The following MCRS1 variants were observed in gnomAD, a reference collection of about 807,000 sequenced individuals.
The protein encoded by MCRS1 is microspherule protein 1, also known as 58 kDa microspherule protein.
A neutral mutation model predicts 62.9 loss-of-function variants in MCRS1; 22 were observed. The ratio of observed to expected loss-of-function variants is 0.35; its 90% CI spans 0.25 to 0.50. MCRS1 has a LOEUF of 0.50. Ranked by LOEUF, MCRS1 falls within the 20% of genes least tolerant of loss-of-function variation. The pLI, the probability that MCRS1 is intolerant of heterozygous loss-of-function variation, is 0.98. For missense variants in MCRS1, 456 were observed against 601.1 expected (o/e 0.76, Z 2.52); for synonymous variants, 244 against 233.5 (o/e 1.04, Z -0.41).
At chr12:49,562,888 G>A in intron 8 of MCRS1, 113 bp downstream of exon 8, 5 of 1,341,958 alleles carry the variant, frequency 3.7e-6, no homozygotes, top group Middle Eastern at 2.7e-4. Context: ...AGACACTGGG[G>A]ATCACTGAGG....
Position 49,560,325 on chromosome 12 carries a change from G to C in MCRS1, c.851C>G (p.Ala284Gly), listed in dbSNP as rs1938699555. The change falls in exon 9 of 15, where the codon GCA becomes GGA. Residue 284 changes from alanine to glycine, a missense_variant. Ala to Gly is a moderately conservative substitution (Grantham distance 60). Coordinates refer to ENST00000343810, the MANE Select transcript of MCRS1 (RefSeq NM_006337.5). ...CTTACTGTCATCAATCAGGTCCTCT[G>C]CATCAGAGAAGTTCAGCACTTGGTC... ...KGDQVLNFSD[A>G]EDLIDDSKLK... 3.7e-6 allele frequency: 6 copies of C among 1,614,130 alleles called. No homozygotes were observed. The highest frequency in any genetic ancestry group is 1.3e-5 in the African/African-American group (1 of 74,950).
In MCRS1 at chr12:49,559,233, C is replaced by G. The variant is rs1938621243; in HGVS notation, c.1155G>C (p.Trp385Cys). 1.2e-6 allele frequency: 2 copies of G among 1,613,924 alleles called. No homozygotes were observed. The highest frequency in any genetic ancestry group is 4.5e-5 in the East Asian group (2 of 44,858). ...GGATACCTTGTTTCCGGGATATCTT[C>G]CAGGCCGGACCCTCCAGAGACAGGT... is the stretch of plus-strand genomic sequence containing the variant. ...DVDLSLEGPA[W>C]KISRKQGVIK... Residue 385 changes from tryptophan (W) to cysteine (C), a missense_variant, in exon 13 of 15, where the codon TGG becomes TGC. Coordinates refer to ENST00000343810, the MANE Select transcript of MCRS1 (RefSeq NM_006337.5). This position sits in a 1 kb window ranked among gnomAD's most constrained non-coding sequence, Gnocchi z 5.2.
Position 49,559,695 on chromosome 12 carries a change from A to T in MCRS1, c.1003+34T>A. 2 of 1,611,922 alleles carry T rather than the reference A, an allele frequency of 1.2e-6. No individual in the cohort carries two copies. The highest frequency in any genetic ancestry group is 1.7e-6 in the Non-Finnish European group (2 of 1,178,360). On this transcript the variant is annotated intron_variant, in intron 11 of 14. Transcript: ENST00000343810. This position sits in a 1 kb window ranked among gnomAD's most constrained non-coding sequence, Gnocchi z 5.2. ...GCACAGGCTGGGGCGAAGGATGCTG[A>T]AGAGTGAGCCTTCTGGTGCCCAGGC...
intron 1 of MCRS1, among the ~76,000 whole-genome samples, chr12:49,567,268 T>C (rs1050091113): frequency 6.6e-6 from 1 of 151,890 alleles, no homozygotes; most frequent in African/African-American, 2.4e-5. Context: ...GAGACAAAAC[T>C]CCAACCAGTC....
Position 49,564,582 on chromosome 12 carries a change from G to T in MCRS1, c.456C>A (p.Asp152Glu). ...LLINAVLQTNDLTSVHLGVKF... is the reference protein window; with the variant it reads ...LLINAVLQTNELTSVHLGVKF... Reference sequence around the variant, plus strand: ...TCACGCCCAGGTGGACGGAGGTCAGGTCGTTGGTCTGCAAGGCCCCAGAAG... The same window carrying T: ...TCACGCCCAGGTGGACGGAGGTCAGTTCGTTGGTCTGCAAGGCCCCAGAAG... The change falls in exon 6 of 15, where the codon GAC becomes GAA. Residue 152 changes from aspartate (D) to glutamate (E), a missense_variant. Coordinates refer to ENST00000343810, the MANE Select transcript of MCRS1 (RefSeq NM_006337.5). The T allele has an allele frequency of 6.2e-7, 1 of 1,609,926 alleles. No homozygotes were observed. The highest frequency in any genetic ancestry group is 8.5e-7 in the Non-Finnish European group (1 of 1,178,114).
At position 49,564,843 on chromosome 12, in the gene MCRS1, C is replaced by A. The variant is rs1159458580; in HGVS notation, c.341G>T (p.Gly114Val). Reference sequence around the variant, plus strand: ...ACTCTTCTTCACACGCTTGGTGAGTCCAGGGGCTGGGGCTGGGCTGGGTGG... The same window carrying A: ...ACTCTTCTTCACACGCTTGGTGAGTACAGGGGCTGGGGCTGGGCTGGGTGG... ...PVPPSPAPAP[G>V]LTKRVKKSKQ... is the part of the protein sequence containing the mutation. The change falls in exon 5 of 15, where the codon GGA becomes GTA. Residue 114 changes from glycine to valine, a missense_variant. Physicochemically the swap from Gly to Val is moderately radical, Grantham distance 109. Coordinates refer to ENST00000343810, the MANE Select transcript of MCRS1 (RefSeq NM_006337.5). 6.2e-7 allele frequency: 1 copy of A among 1,613,832 alleles called. No individual in the cohort carries two copies. The highest frequency in any genetic ancestry group is 8.5e-7 in the Non-Finnish European group (1 of 1,179,802).
Position 49,566,176 on chromosome 12 carries a change from C to T in MCRS1, c.50G>A (p.Gly17Asp), listed in dbSNP as rs1297589748. Reference sequence around the variant, plus strand: ...CTCATCCTCTGAGCGGCTGGCAGTGCCTGATGCCATCAGGGATGAATCTAG... The same window carrying T: ...CTCATCCTCTGAGCGGCTGGCAGTGTCTGATGCCATCAGGGATGAATCTAG... ...GLLDSSLMASGTASRSEDEES... is the reference protein window; with the variant it reads ...GLLDSSLMASDTASRSEDEES... Residue 17 changes from glycine (G) to aspartate (D), a missense_variant, in exon 3 of 15, where the codon GGC (glycine) becomes GAC (aspartate). By Grantham distance (94) the Gly-to-Asp change is moderately conservative. This residue lies in a region of MCRS1 where 55 missense variants were observed against 49.3 expected (regional missense o/e 1.12). Transcript: ENST00000343810. 1 of 1,614,150 alleles carries T rather than the reference C, an allele frequency of 6.2e-7. No individual in the cohort carries two copies. Among genetic ancestry groups the T allele is most frequent in the Non-Finnish European group, 8.5e-7 (1 of 1,180,016 alleles).
chr12:49,562,219 T>C (rs929224067), intron 8 of MCRS1, among the ~76,000 whole-genome samples: 1 of 152,166 alleles, frequency 6.6e-6, no homozygotes, highest in African/African-American at 2.4e-5. Context: ...AAGCTTCATG[T>C]TTGAACTGTG....
chr12:49,565,735 C>A (rs1386810262), intron 3 of MCRS1, 68 bp from the exon 4 acceptor site: 2 of 1,608,862 alleles, frequency 1.2e-6, no homozygotes, highest in Non-Finnish European at 1.7e-6. Flanking sequence ...ACCCCCAGCC[C>A]CCAAAAGAGA....
intron 2 of MCRS1, 79 bp from the exon 3 acceptor site, chr12:49,566,294 T>G: frequency 6.4e-7 from 1 of 1,566,972 alleles, no homozygotes; most frequent in Non-Finnish European, 8.7e-7. Flanking sequence ...CCAGCCCCCT[T>G]CCCCTGCCAG....
chr12:49,558,602 GA>G lies in MCRS1; in HGVS notation c.*40del. The G allele has an allele frequency of 6.3e-7, 1 of 1,594,522 alleles. No homozygotes were observed. Among genetic ancestry groups the G allele is most frequent in the Non-Finnish European group, 8.6e-7 (1 of 1,167,338 alleles). On this transcript the variant is annotated 3_prime_UTR_variant, in exon 15 of 15. Transcript: ENST00000343810. The stretch of plus-strand genomic sequence containing the variant: ...GCTCAAGGGGGCTGGAGTGGCAGGG[GA>G]AACAGGCCGGAGAGGGCCCACGAGT...
At position 49,564,729 on chromosome 12, in the gene MCRS1, G is replaced by A; in HGVS notation, c.447+8C>T. The A allele has an allele frequency of 6.2e-7, 1 of 1,607,726 alleles. No individual in the cohort carries two copies. Among genetic ancestry groups the A allele is most frequent in the Non-Finnish European group, 8.5e-7 (1 of 1,175,970 alleles). On this transcript the variant is annotated splice_region_variant and intron_variant, in intron 5 of 14. Transcript: ENST00000343810. ...AGGGGCACACTGAGCCTATGGTGGG[G>A]GCACTACCTGCAACACAGCATTTAT...
intron 3 of MCRS1, 79 bp from the exon 4 acceptor site, chr12:49,565,746 G>A: frequency 6.3e-7 from 1 of 1,599,372 alleles, no homozygotes; most frequent in Non-Finnish European, 8.6e-7. Context: ...CCAAAAGAGA[G>A]CAGGTGCCCA....
At chr12:49,565,722 C>T (rs776272162) in intron 3 of MCRS1, 55 bp from the exon 4 acceptor site, 153 of 1,612,850 alleles carry the variant, frequency 9.5e-5, no homozygotes, top group Non-Finnish European at 1.3e-4. Context: ...TACCCATTCA[C>T]ACACCCCCAG....
At chr12:49,566,480 G>A (rs768442687) in intron 2 of MCRS1, 57 of 1,554,126 alleles carry the variant, frequency 3.7e-5, no homozygotes, top group Admixed American at 1.6e-4. Flanking sequence ...TGGTGATGCC[G>A]ACACGCTGGG....
chr12:49,564,425 G>C, intron 6 of MCRS1, 56 bp downstream of exon 6: 1 of 1,462,338 alleles, frequency 6.8e-7, no homozygotes, highest in Non-Finnish European at 9.4e-7. Flanking sequence ...TCTGCTCCAG[G>C]ACCCAAATTC....
At position 49,566,091 on chromosome 12, in the gene MCRS1, C is replaced by T. The variant is rs763448109; in HGVS notation, c.135G>A (p.Arg45=). The T allele has an allele frequency of 6.2e-7, 1 of 1,613,994 alleles. No homozygotes were observed. The highest frequency in any genetic ancestry group is 8.5e-7 in the Non-Finnish European group (1 of 1,179,920). The change falls in exon 3 of 15, where the codon CGG becomes CGA. Residue 45 remains arginine, a synonymous_variant. Transcript: ENST00000343810. ...ACCCTTACTACCTGGAGGAGCTTCT[C>T]CGTTTAGGGATGGTGCCCAAGGCCT... ...SSQALGTIPK[R]RSSSRFIKRK...
rs919587232 is a variant in MCRS1, at chr12:49,559,139, G to A, written c.1174+75C>T. The A allele has an allele frequency of 9.0e-6, 14 of 1,555,104 alleles. No homozygotes were observed. In the African/African-American group the frequency reaches 1.1e-4, roughly 12 times the overall value. The stretch of plus-strand genomic sequence containing the variant: ...GGGTCCCCATGGACACCAAGCCCAG[G>A]GCTAGAAAGGACAGCGAGAGGCTGG... On this transcript the variant is annotated intron_variant, in intron 13 of 14. Transcript: ENST00000343810. This position sits in a 1 kb window ranked among gnomAD's most constrained non-coding sequence, Gnocchi z 5.2.
At chr12:49,560,395 G>T in intron 8 of MCRS1, 25 bp from the exon 9 acceptor site, 2 of 1,609,914 alleles carry the variant, frequency 1.2e-6, no homozygotes, top group East Asian at 2.2e-5. Context: ...GAGAAAGCGT[G>T]AGCACCAAGG....
Sources: allele counts gnomAD v4.1 joint callset (sites outside exome capture counted in the v4.1 genomes callset), GRCh38; gene constraint gnomAD v4.1.1; regional missense constraint gnomAD v4.1.1; non-coding constraint Gnocchi (gnomAD v3.1); transcripts MANE v1.5; gene names NCBI Gene and HGNC (gene_info 2026-07-23, HGNC 2026-07-21).